Variants in GABRG3 observed in about 807,000 individuals in gnomAD.
GABRG3 encodes gamma-aminobutyric acid receptor subunit gamma-3.
GABRG3 carries 25 observed loss-of-function variants against 48.8 expected under a neutral mutation model. The observed-to-expected ratio is 0.51, with a 90% CI of 0.37 to 0.72. The LOEUF is 0.72. Among genes scored for constraint, GABRG3 ranks in the 30% least tolerant of loss-of-function variants. The pLI is 0.00. For missense variants in GABRG3, 394 were observed against 577.9 expected, an observed-to-expected ratio of 0.68 and a Z score of 3.26; for synonymous variants, 227 against 217.6, an observed-to-expected ratio of 1.04 and a Z score of -0.38.
intron 6 of GABRG3, among the ~76,000 whole-genome samples, chr15:27,511,360 C>A (rs1485551559): frequency 2.0e-5 from 3 of 152,148 alleles, no homozygotes; most frequent in Admixed American, 2.0e-4. Flanking sequence ...GCCGTGTCCC[C>A]TCTGATAGCG....
At chr15:27,343,058 C>G (rs1894244699) in intron 5 of GABRG3, among the ~76,000 whole-genome samples, 1 of 152,246 alleles carries the variant, frequency 6.6e-6, no homozygotes, top group Non-Finnish European at 1.5e-5. Flanking sequence ...CCTGTCTACT[C>G]TAAAACTTGA....
intron 5 of GABRG3, among the ~76,000 whole-genome samples, chr15:27,417,049 C>T (rs1397637689): frequency 6.6e-6 from 1 of 152,176 alleles, no homozygotes; most frequent in African/African-American, 2.4e-5. Flanking sequence ...TGGTTCTTAG[C>T]TGGAGGTGAT....
chr15:26,988,042 C>T (rs943580664), intron 2 of GABRG3, among the ~76,000 whole-genome samples: 2 of 152,044 alleles, frequency 1.3e-5, no homozygotes, highest in African/African-American at 4.8e-5. Flanking sequence ...AACATAAATC[C>T]TTTTAAGCTT....
At chr15:27,313,998 A>G (rs1328503981) in intron 3 of GABRG3, among the ~76,000 whole-genome samples, 1 of 152,120 alleles carries the variant, frequency 6.6e-6, no homozygotes, top group African/African-American at 2.4e-5. Flanking sequence ...GAATAGAAAA[A>G]CAATAGAAAA....
At chr15:27,240,123 G>A (rs149312397) in intron 3 of GABRG3, among the ~76,000 whole-genome samples, 1 of 152,252 alleles carries the variant, frequency 6.6e-6, no homozygotes, top group East Asian at 1.9e-4. Context: ...AACCCACTGG[G>A]ATCTCTCACT....
Position 27,149,546 on chromosome 15 carries a change from G to T in GABRG3, c.270+122725G>T, listed in dbSNP as rs770022162. Among the ~76,000 whole-genome samples, 4 of 152,106 alleles carry T rather than the reference G, an allele frequency of 2.6e-5. No individual in the cohort carries two copies. In the East Asian group the frequency reaches 7.7e-4, roughly 29 times the overall value. ...AATAGCAAAAAACAATCTTGCAGAA[G>T]AACAAAGTTGGAGGATTGACAATTT... On this transcript the variant is annotated intron_variant, in intron 3 of 9. Coordinates refer to ENST00000615808, the MANE Select transcript of GABRG3 (RefSeq NM_033223.5).
At chr15:27,528,097 A>G (rs1322454939) in intron 9 of GABRG3, 105 bp downstream of exon 9, 1 of 828,836 alleles carries the variant, frequency 1.2e-6, no homozygotes, top group African/African-American at 1.7e-5. Context: ...TTGAAGACCA[A>G]TGAGTGATGC....
At chr15:27,358,545 TAG>T (rs1256387942) in intron 5 of GABRG3, among the ~76,000 whole-genome samples, 1 of 152,010 alleles carries the variant, frequency 6.6e-6, no homozygotes, top group Non-Finnish European at 1.5e-5. Context: ...CTTGCCAACG[TAG>T]GAGAAGGCTC....
chr15:26,992,727 C>T (rs960354593), intron 2 of GABRG3, among the ~76,000 whole-genome samples: 1 of 152,004 alleles, frequency 6.6e-6, no homozygotes, highest in Non-Finnish European at 1.5e-5. Context: ...GTAATATTGA[C>T]TTCATAGAAT....
intron 3 of GABRG3, among the ~76,000 whole-genome samples, chr15:27,274,457 A>C (rs975775281): frequency 1.3e-5 from 2 of 152,062 alleles, no homozygotes; most frequent in African/African-American, 2.4e-5. Flanking sequence ...AGAGGCACCA[A>C]ATCCAAGGGC....
At chr15:27,239,308 C>G (rs1412063222) in intron 3 of GABRG3, among the ~76,000 whole-genome samples, 2 of 152,132 alleles carry the variant, frequency 1.3e-5, no homozygotes, top group African/African-American at 4.8e-5. Flanking sequence ...ATGAGGCATA[C>G]AAGTGTGAGA....
At chr15:27,130,880 T>C (rs1419487750) in intron 3 of GABRG3, among the ~76,000 whole-genome samples, 1 of 152,116 alleles carries the variant, frequency 6.6e-6, no homozygotes, top group Non-Finnish European at 1.5e-5. Flanking sequence ...CCTGTAACTT[T>C]ACTTACTTCA....
At chr15:27,271,241 A>T (rs111699063) in intron 3 of GABRG3, among the ~76,000 whole-genome samples, 79 of 152,284 alleles carry the variant, frequency 5.2e-4, no homozygotes, top group African/African-American at 1.9e-3. Flanking sequence ...CTTGCCCTGC[A>T]CGCTGAAAGG....
chr15:27,413,026 AT>A (rs1284294322), intron 5 of GABRG3, among the ~76,000 whole-genome samples: 1 of 152,174 alleles, frequency 6.6e-6, no homozygotes, highest in Non-Finnish European at 1.5e-5. Flanking sequence ...GTTATTTTTA[AT>A]GTGTTTTGTC....
intron 5 of GABRG3, among the ~76,000 whole-genome samples, chr15:27,422,074 TCCA>T (rs1888136021): frequency 6.6e-6 from 1 of 150,530 alleles, no homozygotes; most frequent in Non-Finnish European, 1.5e-5. Context: ...GGGCTGCATA[TCCA>T]CCAATACTGA....
chr15:26,991,031 C>T (rs541958632), intron 2 of GABRG3, among the ~76,000 whole-genome samples: 43 of 152,194 alleles, frequency 2.8e-4, no homozygotes, highest in Non-Finnish European at 4.7e-4. Context: ...TCTTGAACTC[C>T]TGACCTCGTG....
At chr15:27,001,888 G>GTTTTTTTTTTTT (rs60516105) in intron 2 of GABRG3, among the ~76,000 whole-genome samples, 22,157 of 119,102 alleles carry the variant, frequency 0.19, 2,914 homozygotes, top group South Asian at 0.28. Context: ...CCATAACTCA[G>GTTTTTTTTTTTT]TTTTTTTTTT....
intron 5 of GABRG3, among the ~76,000 whole-genome samples, chr15:27,332,012 T>C (rs1201933925): frequency 6.6e-6 from 1 of 152,244 alleles, no homozygotes; most frequent in Admixed American, 6.5e-5. Flanking sequence ...TATAAGTTTT[T>C]GAACCACTTT....
At chr15:27,093,439 G>A (rs944380874) in intron 3 of GABRG3, among the ~76,000 whole-genome samples, 2 of 152,118 alleles carry the variant, frequency 1.3e-5, no homozygotes, top group Non-Finnish European at 2.9e-5. Flanking sequence ...TCATGACATC[G>A]TAAGTACTGT....
Sources: allele counts gnomAD v4.1 joint callset (sites outside exome capture counted in the v4.1 genomes callset), GRCh38; gene constraint gnomAD v4.1.1; transcripts MANE v1.5; gene names NCBI Gene and HGNC (gene_info 2026-07-23, HGNC 2026-07-21).